Variants in IQGAP2 observed in about 807,000 individuals in gnomAD.
IQGAP2 encodes IQ motif containing GTPase activating protein 2, also known as ras GTPase-activating-like protein IQGAP2.
In IQGAP2, 173 loss-of-function variants were observed where a neutral mutation model predicts 201.3. The ratio of observed to expected loss-of-function variants is 0.86; its 90% CI spans 0.76 to 0.98. IQGAP2 has a LOEUF of 0.98. Ranked by LOEUF, IQGAP2 falls within the 50% of genes least tolerant of loss-of-function variation. The probability of loss-of-function intolerance (pLI) is 0.00; values close to 1 mark genes in which losing one functional copy is unlikely to be tolerated. For missense variants in IQGAP2, 1,687 were observed against 1,864.8 expected (o/e 0.90, Z 1.76); for synonymous variants, 675 against 673.9 (o/e 1.00, Z -0.03).
At chr5:76,587,254 C>T (rs1381966482) in intron 5 of IQGAP2, among the ~76,000 whole-genome samples, 1 of 152,170 alleles carries the variant, frequency 6.6e-6, no homozygotes, top group East Asian at 1.9e-4. Flanking sequence ...TTTTTAAGAT[C>T]ACATTTGGAC....
chr5:76,528,272 A>G (rs1355957333), intron 2 of IQGAP2, among the ~76,000 whole-genome samples: 1 of 152,080 alleles, frequency 6.6e-6, no homozygotes, highest in Non-Finnish European at 1.5e-5. Context: ...AATTTGGTAT[A>G]TTTGGTTTAC....
rs1336516883 is a variant in IQGAP2, at chr5:76,707,908, C to T, written c.*595C>T. Reference sequence around the variant, plus strand: ...GATTTATTCCTACTAAATGAAAGTGCACTACTGCCTCATGTAAAGACTCTT... The same window carrying T: ...GATTTATTCCTACTAAATGAAAGTGTACTACTGCCTCATGTAAAGACTCTT... On this transcript the variant is annotated 3_prime_UTR_variant, in exon 36 of 36. Transcript: ENST00000274364. The T allele has an allele frequency of 6.6e-6, 1 of 152,648 alleles. No individual in the cohort carries two copies. The highest frequency in any genetic ancestry group is 1.5e-5 in the Non-Finnish European group (1 of 68,106). 9.5% of individuals were successfully genotyped at this position (152,648 alleles called of 1,614,324 possible). A position where few individuals can be genotyped will look rare whatever the true frequency, so the allele number is the denominator to read the frequency against.
intron 1 of IQGAP2, among the ~76,000 whole-genome samples, chr5:76,446,282 G>A (rs889589742): frequency 6.6e-6 from 1 of 151,804 alleles, no homozygotes; most frequent in South Asian, 2.1e-4. Flanking sequence ...CACAGGAGTG[G>A]CACCAGTTTA....
chr5:76,424,114 G>C (rs1005320136), intron 1 of IQGAP2, among the ~76,000 whole-genome samples: 2 of 151,894 alleles, frequency 1.3e-5, no homozygotes, highest in Non-Finnish European at 2.9e-5. Context: ...TCTATTTTTT[G>C]CCTTGGGTAA....
intron 2 of IQGAP2, among the ~76,000 whole-genome samples, chr5:76,509,533 A>G (rs965577516): frequency 5.3e-5 from 8 of 151,944 alleles, no homozygotes; most frequent in African/African-American, 1.5e-4. Context: ...AGTAGACTAC[A>G]GGTGCCTGCC....
In IQGAP2 at chr5:76,677,343, C is replaced by T; in HGVS notation, c.3653C>T (p.Thr1218Ile). 1 of 1,613,722 alleles carries T rather than the reference C, an allele frequency of 6.2e-7. No homozygotes were observed. The highest frequency in any genetic ancestry group is 8.5e-7 in the Non-Finnish European group (1 of 1,179,828). The change falls in exon 28 of 36, where the codon ACA becomes ATA. Residue 1218 changes from threonine (T) to isoleucine (I), a missense_variant. Thr to Ile is a moderately conservative substitution (Grantham distance 89). Coordinates refer to ENST00000274364, the MANE Select transcript of IQGAP2 (RefSeq NM_006633.5). ...IYISIEEIISTHSLLLEHQDA... is the reference protein window; with the variant it reads ...IYISIEEIISIHSLLLEHQDA... ...ATTTCAATTGAAGAAATCATCAGCA[C>T]ACACTCAGTAAGTGGGGATGGGGAG...
chr5:76,693,376 T>C lies in IQGAP2; in HGVS notation c.3927T>C (p.Asp1309=), dbSNP rs1746446258. Residue 1309 remains aspartate (D), a synonymous_variant, in exon 31 of 36, where the codon GAT becomes GAC. Coordinates refer to ENST00000274364, the MANE Select transcript of IQGAP2 (RefSeq NM_006633.5). ...TAAGGACCAAGAAGCTGATAATTGA[T>C]GTGATCCGGAACCAGCCAGGGAACA... ...LMIKTKKLII[D]VIRNQPGNTL... is the part of the protein sequence containing the mutation. 1 of 1,613,612 alleles carries C rather than the reference T, an allele frequency of 6.2e-7. No homozygotes were observed. Among genetic ancestry groups the C allele is most frequent in the African/African-American group, 1.3e-5 (1 of 74,926 alleles).
intron 20 of IQGAP2, 142 bp downstream of exon 20, chr5:76,655,145 C>G (rs576062470): frequency 9.2e-5 from 55 of 599,316 alleles, no homozygotes; most frequent in Admixed American, 3.0e-4. Context: ...ATCTCAGGCC[C>G]CAGGTTCTAA....
rs755059663 is a variant in IQGAP2 at position 76,663,576 on chromosome 5, G to A, written c.2530-1450G>A. Among the ~76,000 whole-genome samples, 24 of 152,218 alleles carry A rather than the reference G, an allele frequency of 1.6e-4. No individual in the cohort carries two copies. In the Middle Eastern group the frequency reaches 9.5e-3, roughly 60 times the overall value. On this transcript the variant is annotated intron_variant, in intron 21 of 35. Transcript: ENST00000274364. Reference sequence around the variant, plus strand: ...AAAAGCAAATAGAAAATATCAGCATGTACCATTAGTGAGAGAGAGGGTGTA... The same window carrying A: ...AAAAGCAAATAGAAAATATCAGCATATACCATTAGTGAGAGAGAGGGTGTA...
Position 76,570,670 on chromosome 5 carries a change from G to A in IQGAP2, c.381+13G>A, listed in dbSNP as rs80247589. 5.5e-5 allele frequency: 87 copies of A among 1,589,412 alleles called. No homozygotes were observed. The highest frequency in any genetic ancestry group is 5.0e-4 in the African/African-American group (37 of 74,374). On this transcript the variant is annotated intron_variant, in intron 4 of 35. Coordinates refer to ENST00000274364, the MANE Select transcript of IQGAP2 (RefSeq NM_006633.5). ...TGGTCTACCCAAGGTAAGCCTTCAC[G>A]CACTGGAATCTGAACTAGAAAGGCA...
chr5:76,651,480 G>A (rs561656551), intron 17 of IQGAP2, among the ~76,000 whole-genome samples: 1 of 152,296 alleles, frequency 6.6e-6, no homozygotes, highest in African/African-American at 2.4e-5. Context: ...GTGCACACCT[G>A]TAGTCCCAGC....
At chr5:76,417,185 G>T (rs1010966628) in intron 1 of IQGAP2, among the ~76,000 whole-genome samples, 1 of 152,098 alleles carries the variant, frequency 6.6e-6, no homozygotes, top group Non-Finnish European at 1.5e-5. Flanking sequence ...CCACTTATTT[G>T]AATAATTCTT....
chr5:76,692,307 A>G (rs899015266), intron 30 of IQGAP2, among the ~76,000 whole-genome samples: 3 of 152,194 alleles, frequency 2.0e-5, no homozygotes, highest in Non-Finnish European at 2.9e-5. Context: ...ACATGCCACC[A>G]TGCCCAGCTA....
At chr5:76,623,514 T>A in intron 13 of IQGAP2, 1 of 396,114 alleles carries the variant, frequency 2.5e-6, no homozygotes, top group Non-Finnish European at 4.5e-6. Flanking sequence ...AACAATCTAT[T>A]CTGAATAGGT....
rs1258191767 is a variant in IQGAP2 at position 76,637,188 on chromosome 5, G to T, written c.1923+12G>T. Reference sequence around the variant, plus strand: ...GAAAAGAAATCGAGGTAGGAGGTTGGTGTTTGATGGATAACTCTACTGTAT... The same window carrying T: ...GAAAAGAAATCGAGGTAGGAGGTTGTTGTTTGATGGATAACTCTACTGTAT... On this transcript the variant is annotated intron_variant, in intron 16 of 35. Transcript: ENST00000274364. 6.3e-7 allele frequency: 1 copy of T among 1,590,394 alleles called. No individual in the cohort carries two copies. The highest frequency in any genetic ancestry group is 2.2e-5 in the East Asian group (1 of 44,494).
intron 30 of IQGAP2, among the ~76,000 whole-genome samples, chr5:76,685,857 A>G (rs1462505419): frequency 1.3e-5 from 2 of 152,216 alleles, no homozygotes; most frequent in Non-Finnish European, 2.9e-5. Flanking sequence ...GCAGTGTGCA[A>G]CCATCACTGT....
intron 13 of IQGAP2, among the ~76,000 whole-genome samples, chr5:76,613,819 C>G (rs181519841): frequency 6.6e-6 from 1 of 152,112 alleles, no homozygotes; most frequent in Non-Finnish European, 1.5e-5. Flanking sequence ...CTCAGCCTCC[C>G]GAGTAGCAGG....
intron 1 of IQGAP2, among the ~76,000 whole-genome samples, chr5:76,429,592 ATATATG>A (rs1258650365): frequency 1.9e-4 from 24 of 127,654 alleles, no homozygotes; most frequent in Admixed American, 8.9e-4. Context: ...TTATATATAT[ATATATG>A]TATATTTATA....
At chr5:76,508,489 G>T (rs1252550865) in intron 2 of IQGAP2, among the ~76,000 whole-genome samples, 2 of 152,108 alleles carry the variant, frequency 1.3e-5, no homozygotes, top group African/African-American at 4.8e-5. Context: ...TTTATGATGG[G>T]CTGGTACAGA....
Sources: allele counts gnomAD v4.1 joint callset (sites outside exome capture counted in the v4.1 genomes callset), GRCh38; gene constraint gnomAD v4.1.1; transcripts MANE v1.5; gene names NCBI Gene and HGNC (gene_info 2026-07-23, HGNC 2026-07-21).